NOX3: variants seen among roughly 807,000 people sequenced by gnomAD.
NOX3 encodes NADPH oxidase 3, also known as NADPH oxidase catalytic subunit-like 3.
NOX3 carries 74 observed loss-of-function variants against 76.7 expected under a neutral mutation model. That is an observed-to-expected ratio of 0.96 (90% CI 0.80 to 1.17). NOX3 has a LOEUF of 1.17. NOX3 is among the 50% of genes most tolerant of loss of function. The probability of loss-of-function intolerance (pLI) is 0.00; values close to 1 mark genes in which losing one functional copy is unlikely to be tolerated. For synonymous variants in NOX3, 263 were observed against 261.1 expected (o/e 1.01, Z -0.07); for missense variants, 695 against 703.3 (o/e 0.99, Z 0.13).
chr6:155,448,558 A>G (rs768973693), intron 4 of NOX3, among the ~76,000 whole-genome samples: 2 of 150,274 alleles, frequency 1.3e-5, no homozygotes, highest in East Asian at 1.9e-4. Context: ...GAGAGCAGCA[A>G]TTTTGGAAAC....
At chr6:155,408,857 A>G (rs1776502765) in intron 11 of NOX3, among the ~76,000 whole-genome samples, 1 of 152,022 alleles carries the variant, frequency 6.6e-6, no homozygotes, top group African/African-American at 2.4e-5. Flanking sequence ...AGAAACAAAA[A>G]ACGAAATACT....
At chr6:155,411,448 T>A in intron 10 of NOX3, 88 bp from the exon 11 acceptor site, 1 of 1,274,674 alleles carries the variant, frequency 7.8e-7, no homozygotes, top group Non-Finnish European at 1.1e-6. Context: ...TTAAATTATT[T>A]GAGCCCAAAT....
At chr6:155,416,195 C>A (rs1776619595) in intron 10 of NOX3, among the ~76,000 whole-genome samples, 1 of 152,214 alleles carries the variant, frequency 6.6e-6, no homozygotes, top group African/African-American at 2.4e-5. Context: ...GGCAGCACGC[C>A]TCTGTACCCC....
chr6:155,409,304 T>C (rs1776510750), intron 11 of NOX3, among the ~76,000 whole-genome samples: 1 of 152,072 alleles, frequency 6.6e-6, no homozygotes, highest in South Asian at 2.1e-4. Context: ...CACAGTGTGA[T>C]GGGTGAACAC....
Position 155,422,596 on chromosome 6 carries a change from T to A in NOX3, c.1308+98A>T. 5 of 1,156,198 alleles carry A rather than the reference T, an allele frequency of 4.3e-6. 1 individual carries two copies. In the South Asian group the frequency reaches 5.9e-5, roughly 14 times the overall value. The allele number at this position is 1,156,198 out of a possible 1,614,324, so 71.6% of individuals were successfully genotyped here. On this transcript the variant is annotated intron_variant, in intron 10 of 13. Coordinates refer to ENST00000159060, the MANE Select transcript of NOX3 (RefSeq NM_015718.3). ...TAAGGATCCTTGAGTTTATCCCTCA[T>A]AGTTAATTAAAATCCTCCCCAAGAA...
At position 155,430,872 on chromosome 6, in the gene NOX3, G is replaced by T. The variant is rs560159515; in HGVS notation, c.862C>A (p.Arg288=). ...YACERIIRFW[R]FQQEVVITKV... ...GTAATGACAACTTCTTGTTGAAATC[G>T]CCAGAACCTAATTATTCTTTCACAT... Residue 288 remains arginine (R), a synonymous_variant, in exon 8 of 14, where the codon CGA becomes AGA. Transcript: ENST00000159060. 4.3e-6 allele frequency: 7 copies of T among 1,612,686 alleles called. No homozygotes were observed. The East Asian group carries it at 1.3e-4, about 31-fold the overall frequency.
intron 10 of NOX3, among the ~76,000 whole-genome samples, chr6:155,418,734 G>A (rs1216835281): frequency 6.6e-6 from 1 of 152,234 alleles, no homozygotes; most frequent in African/African-American, 2.4e-5. Flanking sequence ...ATTTTACTTA[G>A]AAGTTTTCTA....
intron 5 of NOX3, among the ~76,000 whole-genome samples, chr6:155,441,843 C>T (rs1023532235): frequency 9.9e-5 from 15 of 152,112 alleles, no homozygotes; most frequent in Middle Eastern, 3.2e-3. Context: ...AAAACAGCAA[C>T]CTCAGTAGGT....
At chr6:155,423,646 ATACACAG>A (rs1776719263) in intron 9 of NOX3, among the ~76,000 whole-genome samples, 1 of 152,142 alleles carries the variant, frequency 6.6e-6, no homozygotes, top group Non-Finnish European at 1.5e-5. Context: ...AAAATATTAA[ATACACAG>A]TACTCCCTAC....
chr6:155,430,772 A>T, intron 8 of NOX3, 71 bp downstream of exon 8: 1 of 950,698 alleles, frequency 1.1e-6, no homozygotes, highest in Non-Finnish European at 1.7e-6. Flanking sequence ...ATGGCAAATT[A>T]AAAATTTGGG....
intron 4 of NOX3, among the ~76,000 whole-genome samples, chr6:155,450,024 G>A (rs567491772): frequency 2.0e-4 from 31 of 152,322 alleles, no homozygotes; most frequent in African/African-American, 7.2e-4. Flanking sequence ...TCAGGGTTTG[G>A]GAGAAGCAGA....
chr6:155,422,991 G>T, intron 9 of NOX3, 135 bp from the exon 10 acceptor site: 1 of 832,720 alleles, frequency 1.2e-6, no homozygotes, highest in Non-Finnish European at 1.9e-6. Flanking sequence ...GCCTGAAAAT[G>T]CCCTATTTGG....
chr6:155,422,315 G>C (rs1216426629), intron 10 of NOX3, among the ~76,000 whole-genome samples: 1 of 152,146 alleles, frequency 6.6e-6, no homozygotes, highest in African/African-American at 2.4e-5. Context: ...ACGAGAGGAG[G>C]ACATCGAATT....
chr6:155,405,406 T>C (rs1041394358), intron 12 of NOX3, among the ~76,000 whole-genome samples: 2 of 152,206 alleles, frequency 1.3e-5, no homozygotes, highest in African/African-American at 2.4e-5. Context: ...AGTGCAGTTC[T>C]TGGAACTCTT....
At chr6:155,422,924 C>G in intron 9 of NOX3, 68 bp from the exon 10 acceptor site, 1 of 1,517,260 alleles carries the variant, frequency 6.6e-7, no homozygotes, top group Non-Finnish European at 9.1e-7. Flanking sequence ...CAGAACCATC[C>G]GGAGCTGGTG....
intron 10 of NOX3, among the ~76,000 whole-genome samples, chr6:155,420,890 C>T (rs1162839450): frequency 6.6e-6 from 1 of 152,148 alleles, no homozygotes; most frequent in African/African-American, 2.4e-5. Flanking sequence ...ATCTATATTT[C>T]TGTATACACA....
In NOX3 at chr6:155,430,909, C is replaced by T; in HGVS notation, c.825G>A (p.Val275=). The T allele has an allele frequency of 6.8e-6, 11 of 1,612,652 alleles. No homozygotes were observed. Among genetic ancestry groups the T allele is most frequent in the Non-Finnish European group, 9.3e-6 (11 of 1,179,054 alleles). ...PSAWKWILGP[V]VLYACERIIR... ...TTATTCTTTCACATGCATACAAGAC[C>T]ACAGGGCCTAAAATCCATTTCCAAG... Residue 275 remains valine, a synonymous_variant, in exon 8 of 14, where the codon GTG becomes GTA. Coordinates refer to ENST00000159060, the MANE Select transcript of NOX3 (RefSeq NM_015718.3).
chr6:155,454,333 C>A (rs1055184545), intron 3 of NOX3, among the ~76,000 whole-genome samples: 1 of 152,178 alleles, frequency 6.6e-6, no homozygotes, highest in African/African-American at 2.4e-5. Context: ...ACAGGAAGCA[C>A]AGGTAAGTTC....
chr6:155,438,127 T>C (rs1391015631), intron 6 of NOX3, among the ~76,000 whole-genome samples: 2 of 152,100 alleles, frequency 1.3e-5, no homozygotes, highest in Non-Finnish European at 2.9e-5. Flanking sequence ...GCACATCATG[T>C]CTGTGAATAG....
Sources: gnomAD v4.1 joint callset for allele counts (sites outside exome capture counted in the v4.1 genomes callset) on GRCh38, gnomAD v4.1.1 for gene constraint, MANE v1.5 for transcripts, NCBI Gene and HGNC (gene_info 2026-07-23, HGNC 2026-07-21) for gene names.